Variants in ASTN2 observed in about 807,000 individuals in gnomAD.
ASTN2 encodes astrotactin-2.
In ASTN2, 54 loss-of-function variants were observed where a neutral mutation model predicts 139.8. The ratio of observed to expected loss-of-function variants is 0.39; its 90% CI spans 0.31 to 0.48. The LOEUF (loss-of-function observed/expected upper bound fraction) is 0.48, where lower values mean the gene tolerates loss of function less well. Among genes scored for constraint, ASTN2 ranks in the 20% least tolerant of loss-of-function variants. ASTN2 has a pLI of 0.95. For missense variants in ASTN2, 1,565 were observed against 1,725.1 expected (o/e 0.91, Z 1.64); for synonymous variants, 756 against 719.5 (o/e 1.05, Z -0.81).
chr9:116,453,332 G>A (rs187217211), intron 20 of ASTN2, among the ~76,000 whole-genome samples: 24 of 152,180 alleles, frequency 1.6e-4, no homozygotes, highest in South Asian at 2.1e-4. Context: ...GGTGGCTCAC[G>A]CCTGTAATCC....
In ASTN2 at chr9:116,675,793, T is replaced by C. The variant is rs570121495; in HGVS notation, c.2807-24000A>G. On this transcript the variant is annotated intron_variant, in intron 16 of 22. Transcript: ENST00000313400. ...AAAGCTCAACAGGCCTGTCTCAGGG[T>C]GACCATCTGCTCTTGGCCTTGCCCA... Among the ~76,000 whole-genome samples the C allele has an allele frequency of 8.9e-4, 135 of 152,222 alleles. 2 individuals are homozygous for C. Among genetic ancestry groups the C allele is most frequent in the Non-Finnish European group, 3.4e-4 (23 of 68,004 alleles).
intron 3 of ASTN2, among the ~76,000 whole-genome samples, chr9:117,165,533 G>C (rs574069035): frequency 1.3e-5 from 2 of 152,192 alleles, no homozygotes; most frequent in Admixed American, 1.3e-4. Context: ...ATGGAATGCA[G>C]AACTGCGCAG....
intron 1 of ASTN2, among the ~76,000 whole-genome samples, chr9:117,291,946 C>T (rs1030816226): frequency 2.0e-5 from 3 of 152,096 alleles, no homozygotes; most frequent in African/African-American, 7.2e-5. Flanking sequence ...TACTCATGGC[C>T]AAACCTCGGA....
At chr9:117,038,420 T>C (rs1294906291) in intron 6 of ASTN2, among the ~76,000 whole-genome samples, 1 of 152,062 alleles carries the variant, frequency 6.6e-6, no homozygotes, top group Non-Finnish European at 1.5e-5. Flanking sequence ...CCATATGAGG[T>C]GCTGGAAATA....
intron 22 of ASTN2, among the ~76,000 whole-genome samples, chr9:116,432,951 AGGAAGGAAGGAG>A (rs1219570162): frequency 1.3e-5 from 2 of 152,058 alleles, no homozygotes; most frequent in African/African-American, 4.8e-5. Flanking sequence ...GAAGGAAGAA[AGGAAGGAAGGAG>A]GGAAGGAAGG....
chr9:116,934,320 G>C (rs569488800), intron 10 of ASTN2, among the ~76,000 whole-genome samples: 1 of 152,104 alleles, frequency 6.6e-6, no homozygotes, highest in Admixed American at 6.6e-5. Flanking sequence ...CCCATCAGGA[G>C]CAATGCCAGC....
At chr9:116,473,450 G>T (rs987729781) in intron 20 of ASTN2, among the ~76,000 whole-genome samples, 2 of 152,318 alleles carry the variant, frequency 1.3e-5, no homozygotes, top group South Asian at 2.1e-4. Flanking sequence ...TACGTCAGAT[G>T]ATGGGGGAAA....
chr9:117,338,261 C>T (rs1225836433), intron 1 of ASTN2, among the ~76,000 whole-genome samples: 1 of 152,118 alleles, frequency 6.6e-6, no homozygotes, highest in African/African-American at 2.4e-5. Flanking sequence ...GATCCAATCT[C>T]GTGCTCAATA....
intron 2 of ASTN2, among the ~76,000 whole-genome samples, chr9:117,239,933 T>A (rs1833157128): frequency 6.6e-6 from 1 of 152,198 alleles, no homozygotes; most frequent in Admixed American, 6.5e-5. Flanking sequence ...CTTCCAACAC[T>A]ATGAGATAAG....
chr9:117,180,895 G>A (rs1831047048), intron 3 of ASTN2: 2 of 1,588,310 alleles, frequency 1.3e-6, no homozygotes, highest in Non-Finnish European at 1.7e-6. Context: ...CCTGCGCAGG[G>A]CCTCAATTAC....
At chr9:116,573,326 C>G (rs776350427) in intron 19 of ASTN2, among the ~76,000 whole-genome samples, 34 of 152,216 alleles carry the variant, frequency 2.2e-4, no homozygotes, top group East Asian at 9.7e-4. Context: ...CATTACCTCC[C>G]ATGAGACATT....
chr9:116,828,413 A>G (rs907257544), intron 11 of ASTN2, among the ~76,000 whole-genome samples: 1 of 152,224 alleles, frequency 6.6e-6, no homozygotes, highest in Non-Finnish European at 1.5e-5. Flanking sequence ...GGATTCAACT[A>G]TGCAAATCAA....
intron 19 of ASTN2, among the ~76,000 whole-genome samples, chr9:116,580,586 A>C (rs989388643): frequency 1.3e-5 from 2 of 152,188 alleles, no homozygotes; most frequent in Non-Finnish European, 2.9e-5. Context: ...GGCCAGCCAT[A>C]ATTGCAGAAC....
intron 19 of ASTN2, among the ~76,000 whole-genome samples, chr9:116,496,987 G>A (rs1849688898): frequency 6.6e-6 from 1 of 152,176 alleles, no homozygotes; most frequent in Non-Finnish European, 1.5e-5. Flanking sequence ...AGACTTGGTT[G>A]GGGACACAGC....
intron 19 of ASTN2, among the ~76,000 whole-genome samples, chr9:116,563,231 C>T (rs910346388): frequency 2.0e-5 from 3 of 151,416 alleles, no homozygotes; most frequent in South Asian, 2.1e-4. Context: ...AAAAATTAGC[C>T]GGGTGCGGGG....
intron 19 of ASTN2, among the ~76,000 whole-genome samples, chr9:116,528,316 G>C (rs1473435268): frequency 6.6e-6 from 1 of 152,180 alleles, no homozygotes. Flanking sequence ...CTGCCCTAGA[G>C]ATCTGTGGAA....
At chr9:116,439,463 G>GA (rs1847775187) in intron 22 of ASTN2, among the ~76,000 whole-genome samples, 18 of 139,810 alleles carry the variant, frequency 1.3e-4, no homozygotes, top group African/African-American at 5.1e-4. Context: ...GCCTCCCAAA[G>GA]TGCTGGGATT....
At chr9:116,855,359 A>G (rs926826368) in intron 11 of ASTN2, among the ~76,000 whole-genome samples, 1 of 65,034 alleles carries the variant, frequency 1.5e-5, no homozygotes, top group African/African-American at 6.0e-5. Flanking sequence ...TCATTTCCCA[A>G]ACTTTGAGTC....
chr9:117,212,350 A>G (rs1049851999), intron 3 of ASTN2, among the ~76,000 whole-genome samples: 3 of 131,554 alleles, frequency 2.3e-5, no homozygotes, highest in Non-Finnish European at 5.0e-5. Flanking sequence ...TGGTCTGAAA[A>G]AAGATTTTGT....
Sources: gnomAD v4.1 joint callset for allele counts (sites outside exome capture counted in the v4.1 genomes callset) on GRCh38, gnomAD v4.1.1 for gene constraint, MANE v1.5 for transcripts, NCBI Gene and HGNC (gene_info 2026-07-23, HGNC 2026-07-21) for gene names.